Variants in SYTL5 observed in about 807,000 individuals in gnomAD.
SYTL5 encodes the protein synaptotagmin-like protein 5.
In SYTL5, 34 loss-of-function variants were observed where a neutral mutation model predicts 55.9. The ratio of observed to expected loss-of-function variants is 0.61; its 90% CI spans 0.46 to 0.81. SYTL5 has a LOEUF of 0.81. Ranked by LOEUF, SYTL5 falls within the 30% of genes least tolerant of loss-of-function variation. The pLI is 0.00. For missense variants in SYTL5, 637 were observed against 546.7 expected (o/e 1.17, Z -1.65); for synonymous variants, 221 against 188.7 (o/e 1.17, Z -1.40).
the SYTL5 span, among the ~76,000 whole-genome samples, chrX:37,889,708 C>T: frequency 9.1e-6 from 1 of 110,403 alleles, no homozygotes. Context: ...ATTTTAATCT[C>T]AATTCTGACA....
At chrX:38,075,659 T>G (rs1936372908) in intron 5 of SYTL5, among the ~76,000 whole-genome samples, 1 of 111,855 alleles carries the variant, frequency 8.9e-6, no homozygotes, top group Non-Finnish European at 1.9e-5. Context: ...AGAAAAAATG[T>G]AATTTTCCAG....
chrX:38,045,055 T>C (rs1042153435), intron 2 of SYTL5, among the ~76,000 whole-genome samples: 1 of 111,897 alleles, frequency 8.9e-6, no homozygotes, highest in Non-Finnish European at 1.9e-5. Flanking sequence ...AGGTAGACCT[T>C]GAACTCATGA....
intron 7 of SYTL5, among the ~76,000 whole-genome samples, chrX:38,090,239 C>A (rs1279791538): frequency 1.8e-5 from 2 of 112,073 alleles, no homozygotes; most frequent in East Asian, 5.6e-4. Flanking sequence ...AGGTTGAGTG[C>A]ACAAATTTTT....
At chrX:37,914,578 T>G in the SYTL5 span, among the ~76,000 whole-genome samples, 1 of 111,368 alleles carries the variant, frequency 9.0e-6, no homozygotes, top group African/African-American at 3.3e-5. Flanking sequence ...AGAATAGTAC[T>G]GGGGAGACAG....
the SYTL5 span, among the ~76,000 whole-genome samples, chrX:37,965,715 C>G: frequency 1.8e-5 from 2 of 111,769 alleles, no homozygotes; most frequent in Non-Finnish European, 3.8e-5. Flanking sequence ...ATTGAATCGC[C>G]TACTATTATT....
upstream of SYTL5, among the ~76,000 whole-genome samples, chrX:38,003,589 A>G (rs181043044): frequency 5.6e-3 from 623 of 111,754 alleles, 3 homozygotes; most frequent in Middle Eastern, 0.019. Flanking sequence ...ATACAAACAA[A>G]TGGAAGAACA....
chrX:38,121,905 T>C (rs1027725852), intron 14 of SYTL5, among the ~76,000 whole-genome samples, 175 bp from the exon 15 acceptor site: 2 of 112,517 alleles, frequency 1.8e-5, no homozygotes, highest in Non-Finnish European at 3.8e-5. Context: ...AGGAATCCAA[T>C]GGGGGCAAAA....
intron 2 of SYTL5, among the ~76,000 whole-genome samples, chrX:38,035,321 T>A (rs1469649717): frequency 8.9e-6 from 1 of 112,462 alleles, no homozygotes; most frequent in Admixed American, 9.4e-5. Context: ...CCAAAAAAAA[T>A]TATGTTGTTT....
chrX:37,922,321 G>A, the SYTL5 span, among the ~76,000 whole-genome samples: 3 of 111,594 alleles, frequency 2.7e-5, no homozygotes, highest in Non-Finnish European at 5.7e-5. Flanking sequence ...AGCCTCCGAG[G>A]TAAAGATTCT....
At chrX:38,117,723 A>G (rs112799530) in intron 13 of SYTL5, among the ~76,000 whole-genome samples, 24 of 111,695 alleles carry the variant, frequency 2.1e-4, no homozygotes, top group African/African-American at 7.2e-4. Flanking sequence ...TGTCTTACAC[A>G]TGATGTTGAC....
At chrX:38,083,935 ACTCT>A (rs1441269826) in intron 6 of SYTL5, among the ~76,000 whole-genome samples, 1 of 108,496 alleles carries the variant, frequency 9.2e-6, no homozygotes, top group African/African-American at 3.4e-5. Flanking sequence ...GAAAACATAA[ACTCT>A]CTCTCTGACC....
the SYTL5 span, among the ~76,000 whole-genome samples, chrX:37,908,658 C>T: frequency 8.9e-6 from 1 of 111,876 alleles, no homozygotes; most frequent in East Asian, 2.8e-4. Context: ...CCCCTCTCCA[C>T]ATGGGTATAT....
At chrX:37,947,931 C>T in the SYTL5 span, among the ~76,000 whole-genome samples, 3 of 111,574 alleles carry the variant, frequency 2.7e-5, no homozygotes, top group Non-Finnish European at 5.7e-5. Flanking sequence ...TCCCCAACTC[C>T]ATTTCATATT....
At chrX:37,949,066 C>T in the SYTL5 span, among the ~76,000 whole-genome samples, 2 of 111,493 alleles carry the variant, frequency 1.8e-5, no homozygotes, top group African/African-American at 3.3e-5. Context: ...TCTTGTCCAC[C>T]TCTACCATGG....
rs1325065301 is a variant in SYTL5 at position 38,033,909 on chromosome X, T to G, written c.20T>G (p.Phe7Cys). Residue 7 changes from phenylalanine to cysteine, a missense_variant, in exon 2 of 17, where the codon TTC (phenylalanine) becomes TGC (cysteine). Transcript: ENST00000297875. MSKNSEFINLSFLLDHE... is the reference protein window; with the variant it reads MSKNSECINLSFLLDHE... ...AATACCATGTCTAAGAACTCAGAGTTCATCAATCTGTCATTTTTATTAGAT... is the reference window on the plus strand; with the variant it reads ...AATACCATGTCTAAGAACTCAGAGTGCATCAATCTGTCATTTTTATTAGAT... The G allele has an allele frequency of 3.4e-6, 4 of 1,186,603 alleles. No individual in the cohort carries two copies. Among genetic ancestry groups the G allele is most frequent in the Non-Finnish European group, 3.4e-6 (3 of 876,476 alleles).
At chrX:38,003,052 C>T (rs1231895820), upstream of SYTL5, among the ~76,000 whole-genome samples, 2 of 111,323 alleles carry the variant, frequency 1.8e-5, no homozygotes, top group Non-Finnish European at 3.8e-5. Context: ...GTATAAGGTG[C>T]AAGGAAGGGA....
the SYTL5 span, among the ~76,000 whole-genome samples, chrX:37,961,337 A>G: frequency 2.7e-5 from 3 of 111,345 alleles, no homozygotes; most frequent in South Asian, 7.6e-4. Context: ...TTGCTTCATC[A>G]TAACATGGCA....
At chrX:37,984,164 G>A in the SYTL5 span, among the ~76,000 whole-genome samples, 5 of 111,389 alleles carry the variant, frequency 4.5e-5, no homozygotes, top group East Asian at 1.4e-3. Context: ...TAATAAAATA[G>A]TGAATTCAAA....
intron 1 of SYTL5, among the ~76,000 whole-genome samples, chrX:38,018,222 G>A (rs1301400335): frequency 9.0e-6 from 1 of 111,261 alleles, no homozygotes; most frequent in African/African-American, 3.3e-5. Context: ...TGCTGAAACA[G>A]TTGTTATGGA....
Sources: allele counts gnomAD v4.1 joint callset (sites outside exome capture counted in the v4.1 genomes callset), GRCh38; gene constraint gnomAD v4.1.1; transcripts MANE v1.5; gene names NCBI Gene and HGNC (gene_info 2026-07-23, HGNC 2026-07-21).